The following SRGAP2B variants were observed in gnomAD, a reference collection of about 807,000 sequenced individuals.
The protein encoded by SRGAP2B is SLIT-ROBO Rho GTPase-activating protein 2B.
SRGAP2B carries 9 observed loss-of-function variants against 22.2 expected under a neutral mutation model. The observed-to-expected ratio is 0.41, with a 90% CI of 0.24 to 0.71. The LOEUF (loss-of-function observed/expected upper bound fraction) is 0.71. Among genes scored for constraint, SRGAP2B ranks in the 30% least tolerant of loss-of-function variants. The probability of loss-of-function intolerance (pLI) is 0.35; values close to 1 mark genes in which losing one functional copy is unlikely to be tolerated. For synonymous variants in SRGAP2B, 36 were observed against 87.4 expected, an observed-to-expected ratio of 0.41 and a Z score of 3.28; for missense variants, 114 against 235.8, an observed-to-expected ratio of 0.48 and a Z score of 3.38.
intron 4 of SRGAP2B, among the ~76,000 whole-genome samples, chr1:144,922,541 T>C (rs1325617777): frequency 6.7e-6 from 1 of 149,062 alleles, no homozygotes; most frequent in African/African-American, 2.5e-5. Context: ...AAAACAAAAC[T>C]CCCAAAACGA....
At chr1:144,979,113 A>G (rs2993854) in intron 3 of SRGAP2B, among the ~76,000 whole-genome samples, 2 of 150,684 alleles carry the variant, frequency 1.3e-5, no homozygotes, top group African/African-American at 5.0e-5. Context: ...CGCGATCTCG[A>G]CTCACTGAAA....
chr1:144,957,069 C>T (rs1440305841), intron 3 of SRGAP2B, among the ~76,000 whole-genome samples: 1 of 150,294 alleles, frequency 6.7e-6, no homozygotes, highest in African/African-American at 2.5e-5. Context: ...AGTGGCAATT[C>T]CAGAATTCAA....
intron 8 of SRGAP2B, among the ~76,000 whole-genome samples, chr1:144,894,092 C>T (rs1662252513): frequency 7.1e-6 from 1 of 140,626 alleles, no homozygotes; most frequent in Admixed American, 6.9e-5. Flanking sequence ...TCCAAAGAGC[C>T]ATCATTTTAC....
rs1196696618 is a variant in SRGAP2B, at chr1:145,075,719, A to G, written c.67+17116T>C. On this transcript the variant is annotated intron_variant, in intron 2 of 9. Coordinates refer to ENST00000612199, the Ensembl canonical transcript of SRGAP2B. ...CGTCAACAATGAGTAAACAGAATAT[A>G]AAAGGAACATCTACACATCAATTAT... 4.9e-5 allele frequency among the ~76,000 whole-genome samples: 7 copies of G among 142,356 alleles called. 1 individual carries two copies. The highest frequency in any genetic ancestry group is 4.9e-4 in the Admixed American group (7 of 14,260). 93.4% of individuals were successfully genotyped at this position (142,356 alleles called of 152,430 possible).
chr1:144,974,127 T>C lies in SRGAP2B; in HGVS notation c.261-18526A>G, dbSNP rs1328698646. 1.5e-4 allele frequency among the ~76,000 whole-genome samples: 23 copies of C among 150,328 alleles called. 1 individual carries two copies. The highest frequency in any genetic ancestry group is 1.3e-4 in the Admixed American group (2 of 15,106). ...GATTATCAACACAGTCCCATCCTGA[T>C]GGTTAAACCTATCAGTACATAGAAA... On this transcript the variant is annotated intron_variant, in intron 3 of 9. Coordinates refer to ENST00000612199, the Ensembl canonical transcript of SRGAP2B.
chr1:144,965,618 C>A (rs7546998), intron 3 of SRGAP2B, among the ~76,000 whole-genome samples: 1 of 131,200 alleles, frequency 7.6e-6, no homozygotes, highest in Non-Finnish European at 1.5e-5. Context: ...TCCTCACCAG[C>A]AACGGAACAA....
chr1:144,939,743 G>T (rs1739175), intron 4 of SRGAP2B, among the ~76,000 whole-genome samples: 2 of 147,112 alleles, frequency 1.4e-5, no homozygotes, highest in African/African-American at 5.2e-5. Flanking sequence ...GGTTTTCCTT[G>T]CCTGAGAACT....
chr1:145,031,679 C>G (rs1256058790), intron 2 of SRGAP2B, among the ~76,000 whole-genome samples: 3 of 143,382 alleles, frequency 2.1e-5, no homozygotes, highest in Non-Finnish European at 3.0e-5. Flanking sequence ...AACCCCGTCT[C>G]TACTAAAAAT....
intron 4 of SRGAP2B, among the ~76,000 whole-genome samples, chr1:144,947,629 C>G (rs1553608679): frequency 7.1e-6 from 1 of 140,446 alleles, no homozygotes; most frequent in African/African-American, 2.8e-5. Context: ...CAGATTCACC[C>G]TTTGTCACCA....
At chr1:144,892,634 G>A (rs1304205738) in intron 9 of SRGAP2B, among the ~76,000 whole-genome samples, 5 of 149,514 alleles carry the variant, frequency 3.3e-5, no homozygotes, top group Non-Finnish European at 7.4e-5. Context: ...ATCTTTTAAT[G>A]TTTACTTTTA....
At chr1:144,926,505 C>G (rs1248296949) in intron 4 of SRGAP2B, among the ~76,000 whole-genome samples, 27 of 140,812 alleles carry the variant, frequency 1.9e-4, no homozygotes, top group East Asian at 1.2e-3. Flanking sequence ...CACCCAGACA[C>G]AGATTCTATT....
chr1:144,944,793 A>C (rs1666365538), intron 4 of SRGAP2B, among the ~76,000 whole-genome samples: 1 of 135,972 alleles, frequency 7.4e-6, no homozygotes, highest in African/African-American at 2.9e-5. Flanking sequence ...CTCACTGCAA[A>C]CTCCACCTTC....
intron 4 of SRGAP2B, among the ~76,000 whole-genome samples, chr1:144,934,359 G>A (rs1553343702): frequency 4.4e-5 from 6 of 136,420 alleles, no homozygotes; most frequent in Non-Finnish European, 7.6e-5. Flanking sequence ...AGTCAAGATC[G>A]CGCACTGCAC....
At chr1:145,001,790 G>A (rs1558818955) in intron 2 of SRGAP2B, among the ~76,000 whole-genome samples, 1 of 150,796 alleles carries the variant, frequency 6.6e-6, no homozygotes, top group Admixed American at 6.6e-5. Context: ...GGAAGCCAAG[G>A]TGGGCCGATT....
chr1:144,994,944 GC>G (rs368271027), intron 3 of SRGAP2B, 63 bp downstream of exon 3: 8 of 837,672 alleles, frequency 9.6e-6, no homozygotes, highest in Non-Finnish European at 5.3e-6. Context: ...GGCATACCCT[GC>G]CCCCCTCCAC....
At chr1:144,966,384 C>A (rs1468715169) in intron 3 of SRGAP2B, among the ~76,000 whole-genome samples, 1 of 148,420 alleles carries the variant, frequency 6.7e-6, no homozygotes, top group South Asian at 2.1e-4. Flanking sequence ...TCATATCCAG[C>A]CAAACTAAGC....
At chr1:145,093,937 G>A (rs183120610) in intron 1 of SRGAP2B, among the ~76,000 whole-genome samples, 5,385 of 148,930 alleles carry the variant, frequency 0.036, 667 homozygotes, top group African/African-American at 0.12. Flanking sequence ...AGCTTCTCTT[G>A]GCAGCAAAAT....
chr1:144,942,795 A>T (rs1214705860), intron 4 of SRGAP2B, among the ~76,000 whole-genome samples: 1 of 152,034 alleles, frequency 6.6e-6, no homozygotes. Flanking sequence ...TTATCAACTG[A>T]TACTAAAATT....
rs797031320 is a variant in SRGAP2B, at chr1:145,068,893, A to ATG, written c.67+23940_67+23941dup. Among the ~76,000 whole-genome samples the ATG allele has an allele frequency of 5.0e-3, 551 of 109,208 alleles. 4 individuals are homozygous for ATG. Among genetic ancestry groups the ATG allele is most frequent in the African/African-American group, 7.3e-3 (204 of 27,906 alleles). The allele number at this position is 109,208 out of a possible 152,430, so 71.6% of individuals were successfully genotyped here. On this transcript the variant is annotated intron_variant, in intron 2 of 9. Transcript: ENST00000612199. The stretch of plus-strand genomic sequence containing the variant: ...TCTGGGAGATCCTAAATAAGGTAAA[A>ATG]TGTGTGTGTGTGTGTGTGTGTGTGT...
Sources: gnomAD v4.1 joint callset for allele counts (sites outside exome capture counted in the v4.1 genomes callset) on GRCh38, gnomAD v4.1.1 for gene constraint, MANE v1.5 for transcripts, NCBI Gene and HGNC (gene_info 2026-07-23, HGNC 2026-07-21) for gene names.